Variants in ZNF616 observed in about 807,000 individuals in gnomAD.
ZNF616 encodes zinc finger protein 616.
ZNF616 carries 5 observed loss-of-function variants against 7.6 expected under a neutral mutation model. The observed-to-expected ratio is 0.66, with a 90% CI of 0.34 to 1.38. ZNF616 has a LOEUF of 1.38. Ranked by LOEUF, ZNF616 falls within the 40% of genes most tolerant of loss-of-function variation. ZNF616 has a pLI of 0.04. For missense variants in ZNF616, 913 were observed against 948.3 expected (o/e 0.96, Z 0.49); for synonymous variants, 319 against 317.2 (o/e 1.01, Z -0.06).
At chr19:52,128,200 A>AC (rs1267586222) in intron 2 of ZNF616, among the ~76,000 whole-genome samples, 1 of 151,992 alleles carries the variant, frequency 6.6e-6, no homozygotes, top group Non-Finnish European at 1.5e-5. Flanking sequence ...AAAAAAAAAA[A>AC]AAAACTTACT....
intron 1 of ZNF616, among the ~76,000 whole-genome samples, chr19:52,137,974 C>T (rs937236281): frequency 6.6e-6 from 1 of 152,140 alleles, no homozygotes; most frequent in Admixed American, 6.5e-5. Flanking sequence ...AAAAAACCAA[C>T]ACTCTCAACT....
intron 1 of ZNF616, among the ~76,000 whole-genome samples, chr19:52,137,053 GTA>G (rs35226169): frequency 0.41 from 58,298 of 143,554 alleles, 11,966 homozygotes; most frequent in East Asian, 0.68. Context: ...TTATGTATGT[GTA>G]TATATATATA....
intron 3 of ZNF616, among the ~76,000 whole-genome samples, chr19:52,120,952 A>G (rs989613755): frequency 6.6e-6 from 1 of 152,228 alleles, no homozygotes; most frequent in African/African-American, 2.4e-5. Flanking sequence ...ATTGGACCTA[A>G]CCTACATATG....
rs45622033 is a variant in ZNF616 at position 52,115,218 on chromosome 19, C to T, written c.1946G>A (p.Arg649Lys). 9,016 of 1,614,158 alleles carry T rather than the reference C, an allele frequency of 5.6e-3. 46 individuals are homozygous for T. Among genetic ancestry groups the T allele is most frequent in the Middle Eastern group, 0.013 (81 of 6,056 alleles). Residue 649 changes from arginine (R) to lysine (K), a missense_variant, in exon 4 of 4, where the codon AGA becomes AAA. Arg to Lys is a conservative substitution (Grantham distance 26, BLOSUM62 2). Coordinates refer to ENST00000600228, the MANE Select transcript of ZNF616 (RefSeq NM_178523.5). ...TCCAGTATGAACAGTCTGATGAAGT[C>T]TAAGATGGACACGCTGACTAAAGGA... ...GNSFSQRVHL[R>K]LHQTVHTGDR...
At chr19:52,135,371 A>G (rs1417428248) in intron 1 of ZNF616, among the ~76,000 whole-genome samples, 1 of 152,200 alleles carries the variant, frequency 6.6e-6, no homozygotes, top group Non-Finnish European at 1.5e-5. Context: ...CTACTAAAAC[A>G]GATGTCTCCA....
chr19:52,117,325 CA>C (rs1290665706), intron 3 of ZNF616, among the ~76,000 whole-genome samples: 2 of 152,110 alleles, frequency 1.3e-5, no homozygotes, highest in Non-Finnish European at 2.9e-5. Context: ...CAACCAATGA[CA>C]CCAAATTACG....
rs747357383 is a variant in ZNF616 at position 52,116,022 on chromosome 19, T to C, written c.1142A>G (p.Tyr381Cys). Reference sequence around the variant, plus strand: ...GACCTTGCCACATTCATTGCATTTGTATTGTTTCTCTCCACTGTGGATTCT... The same window carrying C: ...GACCTTGCCACATTCATTGCATTTGCATTGTTTCTCTCCACTGTGGATTCT... ...HRRIHSGEKQ[Y>C]KCNECGKVFS... Residue 381 changes from tyrosine to cysteine, a missense_variant, in exon 4 of 4, where the codon TAC becomes TGC. Physicochemically the swap from Tyr to Cys is radical, Grantham distance 194. Coordinates refer to ENST00000600228, the MANE Select transcript of ZNF616 (RefSeq NM_178523.5). 2 of 1,614,224 alleles carry C rather than the reference T, an allele frequency of 1.2e-6. No individual in the cohort carries two copies. Among genetic ancestry groups the C allele is most frequent in the South Asian group, 1.1e-5 (1 of 91,084 alleles).
intron 2 of ZNF616, among the ~76,000 whole-genome samples, chr19:52,126,953 T>A (rs2122159366): frequency 6.6e-6 from 1 of 152,232 alleles, no homozygotes; most frequent in Non-Finnish European, 1.5e-5. Context: ...AATAAAGATA[T>A]TATCAAAGAC....
chr19:52,120,857 T>C (rs10406680), intron 3 of ZNF616, among the ~76,000 whole-genome samples: 5,657 of 152,078 alleles, frequency 0.037, 302 homozygotes, highest in African/African-American at 0.12. Flanking sequence ...TCCACAGTAA[T>C]AATAAAAGAC....
intron 1 of ZNF616, among the ~76,000 whole-genome samples, chr19:52,136,719 G>A (rs1477067293): frequency 6.6e-6 from 1 of 152,074 alleles, no homozygotes; most frequent in Non-Finnish European, 1.5e-5. Flanking sequence ...ATGCAATCCA[G>A]CAATCTCATT....
At chr19:52,120,187 A>G (rs2088855196) in intron 3 of ZNF616, among the ~76,000 whole-genome samples, 1 of 152,238 alleles carries the variant, frequency 6.6e-6, no homozygotes, top group Non-Finnish European at 1.5e-5. Context: ...TATCAAAAAC[A>G]TAACATGGGA....
At chr19:52,132,835 G>C (rs1260799038) in intron 1 of ZNF616, among the ~76,000 whole-genome samples, 1 of 152,242 alleles carries the variant, frequency 6.6e-6, no homozygotes, top group East Asian at 1.9e-4. Flanking sequence ...TAATACAGTG[G>C]GGTTTAAAGC....
chr19:52,128,984 T>C (rs1415606835), intron 2 of ZNF616, among the ~76,000 whole-genome samples: 1 of 151,794 alleles, frequency 6.6e-6, no homozygotes, highest in East Asian at 1.9e-4. Context: ...AATAAAACAT[T>C]ATTTACAGGC....
chr19:52,115,138 G>A lies in ZNF616; in HGVS notation c.2026C>T (p.Leu676Phe). Residue 676 changes from leucine to phenylalanine, a missense_variant, in exon 4 of 4, where the codon CTC becomes TTC. By Grantham distance (22) the Leu-to-Phe change is conservative. Coordinates refer to ENST00000600228, the MANE Select transcript of ZNF616 (RefSeq NM_178523.5). ...GCATGAATTATCTGATGTGCAGTGAGGTTTGAGCTCCGTTTAAAGGTTTTG... is the reference window on the plus strand; with the variant it reads ...GCATGAATTATCTGATGTGCAGTGAAGTTTGAGCTCCGTTTAAAGGTTTTG... ...CGKTFKRSSN[L>F]TAHQIIHAGK... The A allele has an allele frequency of 6.2e-7, 1 of 1,614,044 alleles. No homozygotes were observed. The highest frequency in any genetic ancestry group is 8.5e-7 in the Non-Finnish European group (1 of 1,180,014).
chr19:52,130,789 G>T (rs1316072702), intron 1 of ZNF616, among the ~76,000 whole-genome samples: 1 of 152,210 alleles, frequency 6.6e-6, no homozygotes, highest in Non-Finnish European at 1.5e-5. Flanking sequence ...TCTGGGAGAA[G>T]CCCACACACA....
chr19:52,136,155 C>A (rs1326232409), intron 1 of ZNF616, among the ~76,000 whole-genome samples: 11 of 110,198 alleles, frequency 1.0e-4, no homozygotes, highest in Admixed American at 3.0e-4. Flanking sequence ...GGGGGGGGGA[C>A]AGGGGGCAAA....
Position 52,116,353 on chromosome 19 carries a change from A to T in ZNF616, c.811T>A (p.Cys271Ser), listed in dbSNP as rs1389093026. The change falls in exon 4 of 4, where the codon TGT (cysteine) becomes AGT (serine). Residue 271 changes from cysteine to serine, a missense_variant. Physicochemically the swap from Cys to Ser is moderately radical, Grantham distance 112. Transcript: ENST00000600228. ...RSHTGQKPYI[C>S]NECGKSFSKS... ...CTAAAGGACTTGCCACATTCATTAC[A>T]TATGTAGGGTTTCTGTCCAGTGTGA... The T allele has an allele frequency of 3.1e-6, 5 of 1,614,050 alleles. No individual in the cohort carries two copies. The highest frequency in any genetic ancestry group is 4.2e-6 in the Non-Finnish European group (5 of 1,180,028).
At chr19:52,129,914 C>T (rs574040015) in intron 2 of ZNF616, among the ~76,000 whole-genome samples, 11 of 152,162 alleles carry the variant, frequency 7.2e-5, no homozygotes, top group African/African-American at 2.6e-4. Context: ...TCCTGAGTAG[C>T]TGGGATTACA....
At position 52,131,006 on chromosome 19, in the gene ZNF616, T is replaced by C. The variant is rs192362255; in HGVS notation, c.-76-418A>G. 9.6e-3 allele frequency among the ~76,000 whole-genome samples: 1,468 copies of C among 152,296 alleles called. 21 individuals carry two copies. The highest frequency in any genetic ancestry group is 0.016 in the Non-Finnish European group (1,115 of 68,020). ...ACTTGGGGCTGGGAGCGGTGGCTCATGCCTGTAATCCCAGCACTTTGGGAG... is the reference window on the plus strand; with the variant it reads ...ACTTGGGGCTGGGAGCGGTGGCTCACGCCTGTAATCCCAGCACTTTGGGAG... On this transcript the variant is annotated intron_variant, in intron 1 of 3. Coordinates refer to ENST00000600228, the MANE Select transcript of ZNF616 (RefSeq NM_178523.5).
Sources: gnomAD v4.1 joint callset for allele counts (sites outside exome capture counted in the v4.1 genomes callset) on GRCh38, gnomAD v4.1.1 for gene constraint, MANE v1.5 for transcripts, NCBI Gene and HGNC (gene_info 2026-07-23, HGNC 2026-07-21) for gene names.